OR5A1: variants seen among roughly 807,000 people sequenced by gnomAD.
OR5A1 encodes the protein olfactory receptor 5A1.
Under a neutral mutation model 6.7 loss-of-function variants are expected in OR5A1, and 6 were observed. That is an observed-to-expected ratio of 0.89 (90% CI 0.49 to 1.76). The LOEUF is 1.76. OR5A1 is among the 40% of genes most tolerant of loss of function. The pLI, the probability that OR5A1 is intolerant of heterozygous loss-of-function variation, is 0.01. For synonymous variants in OR5A1, 170 were observed against 155.0 expected, an observed-to-expected ratio of 1.10 and a Z score of -0.72; for missense variants, 378 against 381.7, an observed-to-expected ratio of 0.99 and a Z score of 0.08.
At chr11:59,440,262 A>T (rs74883075) in intron 1 of OR5A1, among the ~76,000 whole-genome samples, 3,752 of 152,122 alleles carry the variant, frequency 0.025, 61 homozygotes, top group Non-Finnish European at 0.039. Context: ...TGTAGAGATG[A>T]GGTCTCACCA....
chr11:59,442,462 G>T (rs760709147), intron 1 of OR5A1, among the ~76,000 whole-genome samples: 38 of 151,704 alleles, frequency 2.5e-4, no homozygotes, highest in African/African-American at 6.3e-4. Context: ...TAAAAAATAA[G>T]AAATAAATAA....
At chr11:59,442,974 G>T (rs1444928529) in intron 1 of OR5A1, among the ~76,000 whole-genome samples, 162 bp from the exon 2 acceptor site, 1 of 152,182 alleles carries the variant, frequency 6.6e-6, no homozygotes, top group Non-Finnish European at 1.5e-5. Context: ...GATGATGACT[G>T]CAACTCCCTT....
Position 59,443,848 on chromosome 11 carries a change from C to A in OR5A1, c.680C>A (p.Ala227Glu), listed in dbSNP as rs796662079. 12 of 1,613,942 alleles carry A rather than the reference C, an allele frequency of 7.4e-6. No homozygotes were observed. Among genetic ancestry groups the A allele is most frequent in the South Asian group, 3.3e-5 (3 of 91,070 alleles). ...LLISYGYIVS[A>E]VLKIPSAEGR... The stretch of plus-strand genomic sequence containing the variant: ...ATCTCCTATGGTTACATAGTGTCTG[C>A]GGTCCTGAAGATCCCTTCAGCAGAG... The change falls in exon 2 of 2, where the codon GCG becomes GAG. Residue 227 changes from alanine to glutamate, a missense_variant. Physicochemically the swap from Ala to Glu is moderately radical, Grantham distance 107. Transcript: ENST00000641045.
At chr11:59,442,250 C>A (rs1858489814) in intron 1 of OR5A1, among the ~76,000 whole-genome samples, 1 of 152,134 alleles carries the variant, frequency 6.6e-6, no homozygotes, top group African/African-American at 2.4e-5. Flanking sequence ...CGAGACCAGC[C>A]TGACCAACAT....
chr11:59,439,197 T>C (rs555663170), intron 1 of OR5A1, among the ~76,000 whole-genome samples: 1 of 152,202 alleles, frequency 6.6e-6, no homozygotes, highest in Non-Finnish European at 1.5e-5. Context: ...TGATGGAAAA[T>C]GAACAGAATC....
At chr11:59,437,257 A>G (rs1351891926) in intron 1 of OR5A1, among the ~76,000 whole-genome samples, 1 of 152,156 alleles carries the variant, frequency 6.6e-6, no homozygotes, top group Admixed American at 6.6e-5. Context: ...CAAATGTATG[A>G]TGACATGTAT....
intron 1 of OR5A1, among the ~76,000 whole-genome samples, chr11:59,437,937 G>A (rs893308364): frequency 2.0e-5 from 3 of 152,166 alleles, no homozygotes; most frequent in Non-Finnish European, 4.4e-5. Context: ...TTGGCCCATG[G>A]GGCGGATCCT....
intron 1 of OR5A1, among the ~76,000 whole-genome samples, chr11:59,437,442 A>G (rs1858429585): frequency 6.6e-6 from 1 of 152,104 alleles, no homozygotes; most frequent in Non-Finnish European, 1.5e-5. Flanking sequence ...GTAGCCTTTC[A>G]GGTTAATTTA....
chr11:59,437,897 T>C (rs1055010835), intron 1 of OR5A1, among the ~76,000 whole-genome samples: 1 of 152,180 alleles, frequency 6.6e-6, no homozygotes, highest in Non-Finnish European at 1.5e-5. Flanking sequence ...GTAATCCCCA[T>C]TGTTGGAGGC....
intron 1 of OR5A1, among the ~76,000 whole-genome samples, chr11:59,437,687 C>T (rs957056116): frequency 2.0e-5 from 3 of 152,162 alleles, no homozygotes; most frequent in Admixed American, 1.3e-4. Flanking sequence ...TTCTCCAATT[C>T]AAAATTGAAA....
Position 59,445,189 on chromosome 11 carries a change from T to G in OR5A1, c.*1073T>G, listed in dbSNP as rs1858532807. The G allele has an allele frequency of 6.6e-6, 1 of 152,152 alleles. No individual in the cohort carries two copies. 9.4% of individuals were successfully genotyped at this position (152,152 alleles called of 1,614,324 possible). A position where few individuals can be genotyped will look rare whatever the true frequency, so the allele number is the denominator to read the frequency against. On this transcript the variant is annotated 3_prime_UTR_variant, in exon 2 of 2. Coordinates refer to ENST00000641045, the MANE Select transcript of OR5A1 (RefSeq NM_001004728.2). ...CCCTGCCTCCTGACAGGCCCCAATG[T>G]GCATTGTTCCCCTCTCTGTGTCCAT...
rs780219876 is a variant in OR5A1, at chr11:59,444,137, T to C, written c.*21T>C. 1.3e-5 allele frequency: 20 copies of C among 1,506,646 alleles called. No homozygotes were observed. Among genetic ancestry groups the C allele is most frequent in the Non-Finnish European group, 9.2e-7 (1 of 1,089,172 alleles). The allele number at this position is 1,506,646 out of a possible 1,614,324, so 93.3% of individuals were successfully genotyped here. The stretch of plus-strand genomic sequence containing the variant: ...CTTAGGTCATGCGTAGAAACTTATT[T>C]ATCCAAACTGCTGGAGAATTAAACA... On this transcript the variant is annotated 3_prime_UTR_variant, in exon 2 of 2. Coordinates refer to ENST00000641045, the MANE Select transcript of OR5A1 (RefSeq NM_001004728.2).
rs1479521198 is a variant in OR5A1 at position 59,443,369 on chromosome 11, C to T, written c.201C>T (p.Ser67=). 8 of 1,613,886 alleles carry T rather than the reference C, an allele frequency of 5.0e-6. No homozygotes were observed. Among genetic ancestry groups the T allele is most frequent in the Non-Finnish European group, 6.8e-6 (8 of 1,180,030 alleles). ...HLHTPMYFFL[S]NLSFIDICYS... ...ACACACCCATGTACTTCTTCCTAAGCAACTTATCTTTCATTGACATCTGCT... is the reference window on the plus strand; with the variant it reads ...ACACACCCATGTACTTCTTCCTAAGTAACTTATCTTTCATTGACATCTGCT... The change falls in exon 2 of 2, where the codon AGC becomes AGT. Residue 67 remains serine, a synonymous_variant. Transcript: ENST00000641045.
rs1326793565 is a variant in OR5A1 at position 59,443,761 on chromosome 11, G to C, written c.593G>C (p.Ser198Thr). 6.2e-7 allele frequency: 1 copy of C among 1,614,078 alleles called. No individual in the cohort carries two copies. The highest frequency in any genetic ancestry group is 1.7e-5 in the Admixed American group (1 of 60,024). ...LALSCSDTFLSQVVNFLVVVT... is the reference protein window; with the variant it reads ...LALSCSDTFLTQVVNFLVVVT... ...CTGTCTTGCTCTGACACCTTCCTCA[G>C]TCAAGTGGTGAATTTCCTCGTGGTG... The change falls in exon 2 of 2, where the codon AGT (serine) becomes ACT (threonine). Residue 198 changes from serine (S) to threonine (T), a missense_variant. By Grantham distance (58) the Ser-to-Thr change is moderately conservative (BLOSUM62 1). Coordinates refer to ENST00000641045, the MANE Select transcript of OR5A1 (RefSeq NM_001004728.2).
At chr11:59,437,528 T>G (rs1858432682) in intron 1 of OR5A1, among the ~76,000 whole-genome samples, 2 of 152,236 alleles carry the variant, frequency 1.3e-5, no homozygotes, top group African/African-American at 2.4e-5. Flanking sequence ...TTCGGTACTA[T>G]ACTTTTCAAG....
chr11:59,438,496 C>T (rs1419374518), intron 1 of OR5A1, among the ~76,000 whole-genome samples: 4 of 152,136 alleles, frequency 2.6e-5, no homozygotes, highest in Non-Finnish European at 5.9e-5. Flanking sequence ...ACCAAGGTTA[C>T]TCTAAGGAGG....
rs1277882884 is a variant in OR5A1, at chr11:59,439,014, ATGAAG to A, written c.-34+2185_-34+2189del. On this transcript the variant is annotated intron_variant, in intron 1 of 1. Coordinates refer to ENST00000641045, the MANE Select transcript of OR5A1 (RefSeq NM_001004728.2). ...GCAGGGATGAGAGGAAAATGGCATT[ATGAAG>A]TGAAGGACACCAGATCAGGATTGGC... Among the ~76,000 whole-genome samples, 31 of 152,194 alleles carry A rather than the reference ATGAAG, an allele frequency of 2.0e-4. 1 individual carries two copies. Among genetic ancestry groups the A allele is most frequent in the Admixed American group, 2.0e-3 (31 of 15,270 alleles).
In OR5A1 at chr11:59,449,174, T is replaced by A. The variant is rs530398382; in HGVS notation, c.*5058T>A. On this transcript the variant is annotated 3_prime_UTR_variant, in exon 2 of 2. Transcript: ENST00000641045. ...CCTACAAATATCCAATATTACTCCC[T>A]ATGCTAATCATTATAGTAGACTTCT... The A allele has an allele frequency of 3.5e-4, 54 of 152,320 alleles. No individual in the cohort carries two copies. The highest frequency in any genetic ancestry group is 1.2e-3 in the African/African-American group (50 of 41,576). 9.4% of individuals were successfully genotyped at this position (152,320 alleles called of 1,614,324 possible).
Position 59,443,642 on chromosome 11 carries a change from C to T in OR5A1, c.474C>T (p.Ser158=). 2 of 1,614,112 alleles carry T rather than the reference C, an allele frequency of 1.2e-6. No homozygotes were observed. The highest frequency in any genetic ancestry group is 2.2e-5 in the South Asian group (2 of 91,084). ...GGGCATATGTTGGTGGCTTCCTGAG[C>T]TCCCTGATCCAGGCCAGCTCCATAT... ...VVGAYVGGFL[S]SLIQASSIFR... is the part of the protein sequence containing the mutation. Residue 158 remains serine (S), a synonymous_variant, in exon 2 of 2, where the codon AGC becomes AGT. Transcript: ENST00000641045.
Sources: gnomAD v4.1 joint callset for allele counts (sites outside exome capture counted in the v4.1 genomes callset) on GRCh38, gnomAD v4.1.1 for gene constraint, MANE v1.5 for transcripts, NCBI Gene and HGNC (gene_info 2026-07-23, HGNC 2026-07-21) for gene names.